XKR6: variants seen among roughly 807,000 people sequenced by gnomAD.
XKR6 encodes XK related 6, also known as XK-related protein 6.
XKR6 carries 22 observed loss-of-function variants against 56.7 expected under a neutral mutation model. The ratio of observed to expected loss-of-function variants is 0.39; its 90% CI spans 0.28 to 0.55. XKR6 has a LOEUF of 0.55. XKR6 is among the 20% of genes least tolerant of loss of function. The pLI is 0.66. For missense variants in XKR6, 852 were observed against 889.0 expected, an observed-to-expected ratio of 0.96 and a Z score of 0.53; for synonymous variants, 524 against 387.8, an observed-to-expected ratio of 1.35 and a Z score of -4.13.
chr8:11,030,013 T>C (rs1457270284), intron 1 of XKR6, among the ~76,000 whole-genome samples: 1 of 152,074 alleles, frequency 6.6e-6, no homozygotes, highest in African/African-American at 2.4e-5. Flanking sequence ...ACCATGTAGA[T>C]CACTCCACAA....
chr8:11,130,985 C>T lies in XKR6; in HGVS notation c.764+69591G>A, dbSNP rs78717554. Among the ~76,000 whole-genome samples, 574 of 152,236 alleles carry T rather than the reference C, an allele frequency of 3.8e-3. 8 individuals are homozygous for T. The highest frequency in any genetic ancestry group is 0.013 in the African/African-American group (546 of 41,504). On this transcript the variant is annotated intron_variant, in intron 1 of 2. Transcript: ENST00000416569. ...ACCAAGAAATGATGTCATGACATCACATACAATATAAGCACATTTCATAAA... is the reference window on the plus strand; with the variant it reads ...ACCAAGAAATGATGTCATGACATCATATACAATATAAGCACATTTCATAAA...
At chr8:11,191,012 A>G (rs925849381) in intron 1 of XKR6, among the ~76,000 whole-genome samples, 4 of 152,196 alleles carry the variant, frequency 2.6e-5, no homozygotes, top group African/African-American at 9.7e-5. Context: ...GGCTCACCTC[A>G]AGTTTACTGC....
At chr8:10,996,561 C>A (rs900325995) in intron 1 of XKR6, among the ~76,000 whole-genome samples, 1 of 152,168 alleles carries the variant, frequency 6.6e-6, no homozygotes, top group African/African-American at 2.4e-5. Context: ...GAACACCATA[C>A]ACCCCCAGCT....
At chr8:11,062,771 T>A (rs756453757) in intron 1 of XKR6, 1 of 455,564 alleles carries the variant, frequency 2.2e-6, no homozygotes, top group South Asian at 1.5e-5. Flanking sequence ...GAAATTGTTC[T>A]CTCTTTTCCC....
intron 1 of XKR6, among the ~76,000 whole-genome samples, chr8:10,929,473 C>T (rs1454774209): frequency 6.6e-6 from 1 of 152,234 alleles, no homozygotes; most frequent in East Asian, 1.9e-4. Context: ...GTGCTGTTGA[C>T]TGCTCCTGCC....
chr8:11,001,609 C>T (rs73662668), intron 1 of XKR6, among the ~76,000 whole-genome samples: 5,982 of 152,340 alleles, frequency 0.039, 275 homozygotes, highest in African/African-American at 0.11. Flanking sequence ...CTCTGGACTA[C>T]CCAAGAGTCA....
chr8:10,931,170 T>C (rs1211395897), intron 1 of XKR6, among the ~76,000 whole-genome samples: 1 of 152,172 alleles, frequency 6.6e-6, no homozygotes, highest in African/African-American at 2.4e-5. Context: ...AAATTAAAAA[T>C]ATATACCACT....
intron 2 of XKR6, among the ~76,000 whole-genome samples, chr8:10,908,053 C>T (rs1329430056): frequency 6.6e-6 from 1 of 152,194 alleles, no homozygotes; most frequent in African/African-American, 2.4e-5. Flanking sequence ...TTTTCAACGC[C>T]TTTTGCGTGG....
chr8:11,006,779 T>C (rs1011576660), intron 1 of XKR6, among the ~76,000 whole-genome samples: 1 of 152,224 alleles, frequency 6.6e-6, no homozygotes, highest in Non-Finnish European at 1.5e-5. Flanking sequence ...TGGCTCTCTC[T>C]AGCTGGATAT....
chr8:10,943,609 C>T (rs1228459236), intron 1 of XKR6, among the ~76,000 whole-genome samples: 2 of 152,188 alleles, frequency 1.3e-5, no homozygotes, highest in East Asian at 1.9e-4. Context: ...CTCGTCCTCC[C>T]GTAGCTACCA....
chr8:11,111,335 TG>T (rs1798880547), intron 1 of XKR6, among the ~76,000 whole-genome samples: 2 of 152,126 alleles, frequency 1.3e-5, no homozygotes, highest in African/African-American at 2.4e-5. Flanking sequence ...CTCTCCTCAT[TG>T]GCACTTCTGC....
chr8:11,200,494 C>G lies in XKR6; in HGVS notation c.764+82G>C, dbSNP rs1045979683. On this transcript the variant is annotated intron_variant, in intron 1 of 2. Transcript: ENST00000416569. This position sits in a 1 kb window ranked among gnomAD's most constrained non-coding sequence, Gnocchi z 6.4. Reference sequence around the variant, plus strand: ...TCGAGCCCCCCGCGCTGGGCCCTTTCGAGGGGCCGCCCCGCGAAGCACCGG... The same window carrying G: ...TCGAGCCCCCCGCGCTGGGCCCTTTGGAGGGGCCGCCCCGCGAAGCACCGG... 1.0e-5 allele frequency: 14 copies of G among 1,356,566 alleles called. No homozygotes were observed. In the African/African-American group the frequency reaches 2.0e-4, roughly 19 times the overall value. The allele number at this position is 1,356,566 out of a possible 1,614,324, so 84.0% of individuals were successfully genotyped here.
chr8:10,907,370 A>C (rs777356439), intron 2 of XKR6, among the ~76,000 whole-genome samples: 6 of 152,182 alleles, frequency 3.9e-5, no homozygotes, highest in Non-Finnish European at 5.9e-5. Context: ...CATGCATATC[A>C]TGTCATCTGC....
intron 1 of XKR6, among the ~76,000 whole-genome samples, chr8:11,058,035 C>T (rs900976326): frequency 5.3e-5 from 8 of 152,236 alleles, no homozygotes; most frequent in African/African-American, 1.7e-4. Flanking sequence ...CCACCTTCAT[C>T]CCCAACTTAT....
At chr8:11,090,474 A>G (rs1006169731) in intron 1 of XKR6, among the ~76,000 whole-genome samples, 18 of 152,080 alleles carry the variant, frequency 1.2e-4, no homozygotes, top group Admixed American at 1.2e-3. Context: ...AGTCCTGGCA[A>G]TGACACCAGC....
chr8:11,178,248 T>G (rs1370126981), intron 1 of XKR6, among the ~76,000 whole-genome samples: 2 of 152,112 alleles, frequency 1.3e-5, no homozygotes, highest in Non-Finnish European at 2.9e-5. Context: ...ATCTGTCTAC[T>G]CTAGACAATC....
chr8:10,924,434 A>G (rs1319226073), intron 2 of XKR6, among the ~76,000 whole-genome samples, 200 bp downstream of exon 2: 2 of 152,242 alleles, frequency 1.3e-5, no homozygotes, highest in East Asian at 3.9e-4. Context: ...CAGCCCACAT[A>G]CATTCAGAAC....
rs1218517194 is a variant in XKR6 at position 11,126,096 on chromosome 8, T to A, written c.764+74480A>T. The A allele has an allele frequency of 5.3e-5, 8 of 151,550 alleles. No homozygotes were observed. In the Admixed American group the frequency reaches 5.3e-4, roughly 10 times the overall value. 9.4% of individuals were successfully genotyped at this position (151,550 alleles called of 1,614,324 possible). A position where few individuals can be genotyped will look rare whatever the true frequency, so the allele number is the denominator to read the frequency against. On this transcript the variant is annotated intron_variant, in intron 1 of 2. Transcript: ENST00000416569. The stretch of plus-strand genomic sequence containing the variant: ...TTTGTTTTGTTTTTTTGAGACAGAG[T>A]CTCCCTCTGTCGCCCAGACTGAAGT...
At chr8:11,055,526 G>A (rs1230043695) in intron 1 of XKR6, among the ~76,000 whole-genome samples, 1 of 152,188 alleles carries the variant, frequency 6.6e-6, no homozygotes, top group African/African-American at 2.4e-5. Context: ...CCTCAGCCCT[G>A]CAGGGAGCGG....
Sources: gnomAD v4.1 joint callset for allele counts (sites outside exome capture counted in the v4.1 genomes callset) on GRCh38, gnomAD v4.1.1 for gene constraint, Gnocchi (gnomAD v3.1) non-coding constraint, MANE v1.5 for transcripts, NCBI Gene and HGNC (gene_info 2026-07-23, HGNC 2026-07-21) for gene names.